Variants in ABHD6 observed in about 807,000 individuals in gnomAD.
ABHD6 encodes abhydrolase domain containing 6, acylglycerol lipase.
A neutral mutation model predicts 38.8 loss-of-function variants in ABHD6; 33 were observed. The observed-to-expected ratio is 0.85, with a 90% CI of 0.64 to 1.14. The LOEUF (loss-of-function observed/expected upper bound fraction) is 1.14, where lower values mean the gene tolerates loss of function less well. Ranked by LOEUF, ABHD6 falls within the 50% of genes most tolerant of loss-of-function variation. The pLI is 0.00. For synonymous variants in ABHD6, 147 were observed against 161.6 expected (o/e 0.91, Z 0.69); for missense variants, 380 against 422.6 (o/e 0.90, Z 0.88).
At chr3:58,270,392 A>G (rs1398478989) in intron 5 of ABHD6, among the ~76,000 whole-genome samples, 1 of 151,830 alleles carries the variant, frequency 6.6e-6, no homozygotes, top group African/African-American at 2.4e-5. Context: ...GCAACAGCAG[A>G]GTTGAATAGT....
chr3:58,291,708 C>G (rs562713516), intron 9 of ABHD6, among the ~76,000 whole-genome samples: 1 of 152,312 alleles, frequency 6.6e-6, no homozygotes, highest in South Asian at 2.1e-4. Flanking sequence ...GTAACGCTAA[C>G]CAGCAAACAG....
rs533057803 is a variant in ABHD6, at chr3:58,263,969, T to C, written c.120-3220T>C. Among the ~76,000 whole-genome samples, 1 of 149,420 alleles carries C rather than the reference T, an allele frequency of 6.7e-6. No homozygotes were observed. Among genetic ancestry groups the C allele is most frequent in the East Asian group, 1.9e-4 (1 of 5,188 alleles). Reference sequence around the variant, plus strand: ...CCCCACCACTTCATCTGTGTATACTTAACAGTTTTTTTTAACAGAATTGGA... The same window carrying C: ...CCCCACCACTTCATCTGTGTATACTCAACAGTTTTTTTTAACAGAATTGGA... On this transcript the variant is annotated intron_variant, in intron 3 of 9. Coordinates refer to ENST00000478253, the MANE Select transcript of ABHD6 (RefSeq NM_001320126.2). This position sits in a 1 kb window ranked among gnomAD's most constrained non-coding sequence, Gnocchi z 4.9.
At chr3:58,258,948 G>A (rs2097435150) in intron 3 of ABHD6, among the ~76,000 whole-genome samples, 1 of 152,200 alleles carries the variant, frequency 6.6e-6, no homozygotes, top group African/African-American at 2.4e-5. Context: ...CCCTTGCAGT[G>A]CTGGTAGCAG....
At chr3:58,243,218 A>G (rs2107412879) in intron 1 of ABHD6, among the ~76,000 whole-genome samples, 1 of 152,304 alleles carries the variant, frequency 6.6e-6, no homozygotes, top group South Asian at 2.1e-4. Context: ...ATTATTTATA[A>G]TCCTTTGGGT....
chr3:58,286,874 A>ATATATATATATATATATATATATG (rs1559784540), intron 9 of ABHD6, among the ~76,000 whole-genome samples: 1 of 134,782 alleles, frequency 7.4e-6, no homozygotes, highest in African/African-American at 2.7e-5. Context: ...ATATATGTAT[A>ATATATATATATATATATATATATG]TGTATATATA....
intron 9 of ABHD6, among the ~76,000 whole-genome samples, chr3:58,290,543 G>T (rs577785451): frequency 4.2e-5 from 6 of 142,022 alleles, no homozygotes; most frequent in Admixed American, 4.1e-4. Flanking sequence ...CCTCCCGGAC[G>T]GGTCGGCTGC....
At chr3:58,286,076 G>C (rs987978827) in intron 9 of ABHD6, among the ~76,000 whole-genome samples, 5 of 151,510 alleles carry the variant, frequency 3.3e-5, no homozygotes, top group Non-Finnish European at 7.4e-5. Context: ...CTGGAGTGCA[G>C]TGGCACAATC....
At chr3:58,245,839 G>GAAAA (rs1265774611) in intron 1 of ABHD6, among the ~76,000 whole-genome samples, 2 of 151,308 alleles carry the variant, frequency 1.3e-5, no homozygotes, top group East Asian at 3.9e-4. Flanking sequence ...AAGAAAGAAA[G>GAAAA]AACAAAAAAA....
chr3:58,262,676 A>AT (rs1290072204), intron 3 of ABHD6, among the ~76,000 whole-genome samples: 2 of 152,080 alleles, frequency 1.3e-5, no homozygotes, highest in Non-Finnish European at 2.9e-5. Context: ...ACCAAAGAAG[A>AT]TTTTTTCCAT....
chr3:58,275,235 A>G (rs2107460937), intron 7 of ABHD6, among the ~76,000 whole-genome samples: 1 of 152,136 alleles, frequency 6.6e-6, no homozygotes, highest in Non-Finnish European at 1.5e-5. Flanking sequence ...AGCCCCAAGA[A>G]TAAGAGAATG....
chr3:58,286,870 G>GTGTATATATATATATATATATATA (rs2097457742), intron 9 of ABHD6, among the ~76,000 whole-genome samples: 8 of 75,056 alleles, frequency 1.1e-4, no homozygotes, highest in Admixed American at 1.6e-4. Flanking sequence ...ATATATATAT[G>GTGTATATATATATATATATATATA]TATATGTATA....
In ABHD6 at chr3:58,267,097, G is replaced by T. The variant is rs906181260; in HGVS notation, c.120-92G>T. ...GGAGAAGTGTTTGTGTTATCACTAA[G>T]GAAGACTTATAGAGAGGACCTGTGC... On this transcript the variant is annotated intron_variant, in intron 3 of 9. Transcript: ENST00000478253. This position sits in a 1 kb window ranked among gnomAD's most constrained non-coding sequence, Gnocchi z 4.3. 75 of 1,356,092 alleles carry T rather than the reference G, an allele frequency of 5.5e-5. No homozygotes were observed. Among genetic ancestry groups the T allele is most frequent in the Non-Finnish European group, 7.5e-5 (73 of 978,826 alleles). 84.0% of individuals were successfully genotyped at this position (1,356,092 alleles called of 1,614,324 possible). A position where few individuals can be genotyped will look rare whatever the true frequency, so the allele number is the denominator to read the frequency against.
intron 1 of ABHD6, among the ~76,000 whole-genome samples, chr3:58,248,048 A>G (rs532687710): frequency 6.6e-6 from 1 of 152,192 alleles, no homozygotes; most frequent in African/African-American, 2.4e-5. Flanking sequence ...TCCCACGTAC[A>G]TAAGCATAAC....
chr3:58,290,966 C>T (rs916539287), intron 9 of ABHD6, among the ~76,000 whole-genome samples: 5 of 152,060 alleles, frequency 3.3e-5, no homozygotes, highest in Non-Finnish European at 5.9e-5. Context: ...TCCTCGCTTC[C>T]TAGATGGGGT....
rs770697114 is a variant in ABHD6, at chr3:58,269,378, A to G, written c.334A>G (p.Thr112Ala). Reference protein sequence around the residue: ...CVDMPGHEGTTRSSLDDLSID... With the variant: ...CVDMPGHEGTARSSLDDLSID... ...GGACATGCCAGGACATGAGGGCACC[A>G]CCCGCTCCTCCCTGGATGACCTGTC... The change falls in exon 5 of 10, where the codon ACC (threonine) becomes GCC (alanine). Residue 112 changes from threonine (T) to alanine (A), a missense_variant. Thr to Ala is a moderately conservative substitution (Grantham distance 58, BLOSUM62 0). Coordinates refer to ENST00000478253, the MANE Select transcript of ABHD6 (RefSeq NM_001320126.2). This position sits in a 1 kb window ranked among gnomAD's most constrained non-coding sequence, Gnocchi z 4.4. 6.2e-7 allele frequency: 1 copy of G among 1,613,942 alleles called. No homozygotes were observed. Among genetic ancestry groups the G allele is most frequent in the Non-Finnish European group, 8.5e-7 (1 of 1,179,898 alleles).
chr3:58,269,146 G>A lies in ABHD6; in HGVS notation c.277-175G>A, dbSNP rs370445179. ...TTAGCCTTTGTGGGCCTCTGCTCCC[G>A]ATGAGGCTACTGGCAATGCTTATTC... On this transcript the variant is annotated intron_variant, in intron 4 of 9. Coordinates refer to ENST00000478253, the MANE Select transcript of ABHD6 (RefSeq NM_001320126.2). This position sits in a 1 kb window ranked among gnomAD's most constrained non-coding sequence, Gnocchi z 4.4. 3.7e-4 allele frequency among the ~76,000 whole-genome samples: 56 copies of A among 152,268 alleles called. 1 individual carries two copies. Among genetic ancestry groups the A allele is most frequent in the Admixed American group, 2.5e-3 (38 of 15,294 alleles).
At chr3:58,243,010 T>C (rs1277126456) in intron 1 of ABHD6, among the ~76,000 whole-genome samples, 1 of 152,194 alleles carries the variant, frequency 6.6e-6, no homozygotes, top group African/African-American at 2.4e-5. Context: ...CTCAGAATGA[T>C]GGTTTCCAGC....
At chr3:58,242,392 C>G (rs114919396) in intron 1 of ABHD6, among the ~76,000 whole-genome samples, 1 of 152,178 alleles carries the variant, frequency 6.6e-6, no homozygotes, top group Non-Finnish European at 1.5e-5. Context: ...AAACTAAAAC[C>G]TCTAAAACTA....
At chr3:58,246,289 C>T (rs1258451883) in intron 1 of ABHD6, among the ~76,000 whole-genome samples, 1 of 152,188 alleles carries the variant, frequency 6.6e-6, no homozygotes, top group Non-Finnish European at 1.5e-5. Context: ...ATCACCACAG[C>T]CCCCATCCTG....
Sources: gnomAD v4.1 joint callset for allele counts (sites outside exome capture counted in the v4.1 genomes callset) on GRCh38, gnomAD v4.1.1 for gene constraint, Gnocchi (gnomAD v3.1) non-coding constraint, MANE v1.5 for transcripts, NCBI Gene and HGNC (gene_info 2026-07-23, HGNC 2026-07-21) for gene names.